HIKESHI: variants seen among roughly 807,000 people sequenced by gnomAD.
The protein encoded by HIKESHI is heat shock protein nuclear import factor hikeshi, also known as protein Hikeshi.
Under a neutral mutation model 25.7 loss-of-function variants are expected in HIKESHI, and 13 were observed. That is an observed-to-expected ratio of 0.51 (90% CI 0.33 to 0.80). HIKESHI has a LOEUF of 0.80. Among genes scored for constraint, HIKESHI ranks in the 30% least tolerant of loss-of-function variants. HIKESHI has a pLI of 0.02. For missense variants in HIKESHI, 174 were observed against 229.5 expected (o/e 0.76, Z 1.56); for synonymous variants, 76 against 78.7 (o/e 0.97, Z 0.18).
intron 2 of HIKESHI, among the ~76,000 whole-genome samples, chr11:86,324,722 A>G (rs1947231780): frequency 6.6e-6 from 1 of 152,152 alleles, no homozygotes; most frequent in African/African-American, 2.4e-5. Context: ...AAGTTTGATT[A>G]TATTGGGAAA....
At chr11:86,321,027 T>C (rs111954088) in intron 2 of HIKESHI, among the ~76,000 whole-genome samples, 16 of 150,934 alleles carry the variant, frequency 1.1e-4, no homozygotes, top group Non-Finnish European at 2.4e-4. Flanking sequence ...CTCCACCTCC[T>C]GGGTTCAAGT....
chr11:86,324,607 T>C (rs1158670170), intron 2 of HIKESHI, among the ~76,000 whole-genome samples: 1 of 152,214 alleles, frequency 6.6e-6, no homozygotes, highest in African/African-American at 2.4e-5. Flanking sequence ...TTAGGCTTAG[T>C]ATTCATAGTA....
chr11:86,309,624 T>C (rs1434799409), intron 2 of HIKESHI, among the ~76,000 whole-genome samples: 2 of 152,218 alleles, frequency 1.3e-5, no homozygotes, highest in Non-Finnish European at 2.9e-5. Flanking sequence ...CTTTTGGTGT[T>C]TTAGTCATGA....
intron 2 of HIKESHI, among the ~76,000 whole-genome samples, chr11:86,317,825 A>G (rs1947029504): frequency 6.6e-6 from 1 of 152,124 alleles, no homozygotes. Flanking sequence ...AATCAAGGAA[A>G]AAGAAAGCAC....
chr11:86,334,954 T>G (rs1947513580), intron 2 of HIKESHI, among the ~76,000 whole-genome samples: 1 of 152,226 alleles, frequency 6.6e-6, no homozygotes, highest in African/African-American at 2.4e-5. Flanking sequence ...AATCAACTTT[T>G]TTGGAACTCT....
chr11:86,319,238 A>ATTT (rs1246298090), intron 2 of HIKESHI, among the ~76,000 whole-genome samples: 55 of 82,978 alleles, frequency 6.6e-4, no homozygotes, highest in South Asian at 6.1e-3. Context: ...ATATATATAT[A>ATTT]TATATTTTTT....
chr11:86,315,852 G>GAATT (rs772519853), intron 2 of HIKESHI, among the ~76,000 whole-genome samples: 8 of 152,126 alleles, frequency 5.3e-5, no homozygotes, highest in Middle Eastern at 3.4e-3. Flanking sequence ...AAACACACAA[G>GAATT]AATTAATTAC....
intron 2 of HIKESHI, among the ~76,000 whole-genome samples, chr11:86,320,767 G>A (rs906770710): frequency 2.0e-5 from 3 of 152,044 alleles, no homozygotes; most frequent in Non-Finnish European, 4.4e-5. Context: ...TCCACTCTAG[G>A]CAACTACTGA....
intron 2 of HIKESHI, among the ~76,000 whole-genome samples, chr11:86,332,513 T>C (rs996209481): frequency 3.3e-5 from 5 of 152,206 alleles, no homozygotes; most frequent in African/African-American, 1.2e-4. Context: ...GCAATTACCA[T>C]ATGGACCACT....
chr11:86,303,972 C>T (rs1479527877), intron 1 of HIKESHI, among the ~76,000 whole-genome samples: 1 of 152,052 alleles, frequency 6.6e-6, no homozygotes, highest in Non-Finnish European at 1.5e-5. Context: ...ATAATAATTT[C>T]CCATGCTTTT....
chr11:86,309,227 C>T (rs1946768029), intron 2 of HIKESHI, among the ~76,000 whole-genome samples: 1 of 152,146 alleles, frequency 6.6e-6, no homozygotes, highest in Non-Finnish European at 1.5e-5. Context: ...CTCTCCAGCA[C>T]CTGTTGTTTC....
intron 1 of HIKESHI, among the ~76,000 whole-genome samples, chr11:86,305,875 G>A (rs1238684892): frequency 2.0e-5 from 3 of 151,898 alleles, no homozygotes; most frequent in Non-Finnish European, 4.4e-5. Flanking sequence ...CGAGTAGCTG[G>A]GAATACTTAT....
intron 2 of HIKESHI, among the ~76,000 whole-genome samples, chr11:86,310,980 A>T (rs1946818617): frequency 6.6e-6 from 1 of 151,918 alleles, no homozygotes; most frequent in Non-Finnish European, 1.5e-5. Flanking sequence ...TTTATTGAGG[A>T]TTTTTGCATC....
At chr11:86,321,688 C>T (rs1163481029) in intron 2 of HIKESHI, among the ~76,000 whole-genome samples, 1 of 152,100 alleles carries the variant, frequency 6.6e-6, no homozygotes, top group Admixed American at 6.6e-5. Context: ...CGCCATTATG[C>T]CCGGCTGATT....
At chr11:86,315,984 T>G (rs1946967572) in intron 2 of HIKESHI, among the ~76,000 whole-genome samples, 1 of 151,764 alleles carries the variant, frequency 6.6e-6, no homozygotes, top group South Asian at 2.1e-4. Context: ...CTATTAAAAA[T>G]GTAAGTAAAA....
chr11:86,308,189 TAAA>T (rs1210594710), intron 2 of HIKESHI, among the ~76,000 whole-genome samples: 2 of 107,630 alleles, frequency 1.9e-5, no homozygotes, highest in African/African-American at 7.5e-5. Flanking sequence ...ATATTACATA[TAAA>T]ATATATATTA....
At chr11:86,327,468 C>A (rs1047510253) in intron 2 of HIKESHI, among the ~76,000 whole-genome samples, 2 of 152,166 alleles carry the variant, frequency 1.3e-5, no homozygotes, top group Non-Finnish European at 2.9e-5. Context: ...GCGCCTGCCA[C>A]CACGCCCGGC....
intron 3 of HIKESHI, among the ~76,000 whole-genome samples, chr11:86,340,102 A>G (rs1812210330): frequency 6.6e-6 from 1 of 152,210 alleles, no homozygotes; most frequent in Non-Finnish European, 1.5e-5. Context: ...ATAGCTGCAT[A>G]GTATTCCATG....
intron 2 of HIKESHI, among the ~76,000 whole-genome samples, chr11:86,331,559 C>T (rs1947425939): frequency 6.6e-6 from 1 of 152,126 alleles, no homozygotes; most frequent in Non-Finnish European, 1.5e-5. Flanking sequence ...TGCCCTCCCT[C>T]CCCCGCCACA....
Sources: gnomAD v4.1 joint callset for allele counts (sites outside exome capture counted in the v4.1 genomes callset) on GRCh38, gnomAD v4.1.1 for gene constraint, MANE v1.5 for transcripts, NCBI Gene and HGNC (gene_info 2026-07-23, HGNC 2026-07-21) for gene names.